Variants in PES1 observed in about 807,000 individuals in gnomAD.
PES1 encodes pescadillo homolog.
In PES1, 31 loss-of-function variants were observed where a neutral mutation model predicts 77.1. The observed-to-expected ratio is 0.40, with a 90% confidence interval of 0.30 to 0.54. The LOEUF (loss-of-function observed/expected upper bound fraction) is 0.54, where lower values mean the gene tolerates loss of function less well. Among genes scored for constraint, PES1 ranks in the 20% least tolerant of loss-of-function variants. The pLI is 0.45. For missense variants in PES1, 658 were observed against 771.7 expected (o/e 0.85, Z 1.75); for synonymous variants, 282 against 303.0 (o/e 0.93, Z 0.72).
chr22:30,584,910 C>T (rs1256388199), intron 4 of PES1, among the ~76,000 whole-genome samples, 193 bp from the exon 5 acceptor site: 1 of 152,164 alleles, frequency 6.6e-6, no homozygotes, highest in Non-Finnish European at 1.5e-5. Flanking sequence ...CAGGATGCGC[C>T]CACTAGGCTC....
exon 2 of PES1, chr22:30,605,484 T>A: frequency 1.0e-6 from 1 of 985,412 alleles, no homozygotes. Flanking sequence ...TAACGAAGGC[T>A]ATCCTCCATG....
At position 30,577,004 on chromosome 22, in the gene PES1, C is replaced by G. The variant is rs780050299; in HGVS notation, c.*42G>C. 6 of 1,535,110 alleles carry G rather than the reference C, an allele frequency of 3.9e-6. No homozygotes were observed. The highest frequency in any genetic ancestry group is 1.4e-5 in the African/African-American group (1 of 73,386). Reference sequence around the variant, plus strand: ...TCTGGCCTGCCTCTGCCACATCCAGCTGCTAGGGGCTGGCCTCAGCCCTGT... The same window carrying G: ...TCTGGCCTGCCTCTGCCACATCCAGGTGCTAGGGGCTGGCCTCAGCCCTGT... On this transcript the variant is annotated 3_prime_UTR_variant, in exon 15 of 15. Coordinates refer to ENST00000354694, the MANE Select transcript of PES1 (RefSeq NM_014303.4).
chr22:30,583,940 A>C (rs2146466888), intron 6 of PES1, among the ~76,000 whole-genome samples: 1 of 152,356 alleles, frequency 6.6e-6, no homozygotes, highest in South Asian at 2.1e-4. Context: ...TATCGGCAGC[A>C]AAGCAGGGAC....
chr22:30,606,728 TC>T (rs1386612212), intron 1 of PES1: 2 of 47,906 alleles, frequency 4.2e-5, no homozygotes, highest in East Asian at 1.3e-3. Flanking sequence ...ACTGCCCAAC[TC>T]CCCCACCCCC....
chr22:30,586,677 AT>A (rs2087095605), intron 4 of PES1, among the ~76,000 whole-genome samples: 1 of 152,202 alleles, frequency 6.6e-6, no homozygotes, highest in Admixed American at 6.5e-5. Context: ...AGAATTGCTG[AT>A]TTAGGCTGAG....
chr22:30,595,394 C>T (rs1011293442), upstream of PES1, among the ~76,000 whole-genome samples: 1 of 151,660 alleles, frequency 6.6e-6, no homozygotes, highest in African/African-American at 2.4e-5. Context: ...AAAAATTAGC[C>T]GGGCAAGGTG....
chr22:30,581,306 GC>G (rs1192893130), intron 8 of PES1, 27 bp downstream of exon 8: 39 of 1,607,468 alleles, frequency 2.4e-5, no homozygotes, highest in Non-Finnish European at 3.1e-5. Flanking sequence ...CTTGGGAGAT[GC>G]CGGATGATGC....
At position 30,581,658 on chromosome 22, in the gene PES1, G is replaced by A. The variant is rs1360929057; in HGVS notation, c.631-14C>T. 6.4e-7 allele frequency: 1 copy of A among 1,556,756 alleles called. No individual in the cohort carries two copies. The highest frequency in any genetic ancestry group is 2.2e-5 in the East Asian group (1 of 44,616). On this transcript the variant is annotated splice_polypyrimidine_tract_variant and intron_variant, in intron 6 of 14. Coordinates refer to ENST00000354694, the MANE Select transcript of PES1 (RefSeq NM_014303.4). Reference sequence around the variant, plus strand: ...GTCTGTCGGGTGCTGGGGAACACAAGAGATGCATGAGCAGTGTGGGTGCAG... The same window carrying A: ...GTCTGTCGGGTGCTGGGGAACACAAAAGATGCATGAGCAGTGTGGGTGCAG...
chr22:30,604,835 T>C (rs1192087957), intron 2 of PES1, among the ~76,000 whole-genome samples: 2 of 152,044 alleles, frequency 1.3e-5, no homozygotes, highest in African/African-American at 4.8e-5. Context: ...CCCAGCTCTT[T>C]GGGAGGCTGA....
chr22:30,581,014 C>T lies in PES1; in HGVS notation c.910G>A (p.Gly304Arg), dbSNP rs144358121. 3.3e-5 allele frequency: 53 copies of T among 1,612,000 alleles called. No individual in the cohort carries two copies. In the African/African-American group the frequency reaches 6.8e-4, roughly 21 times the overall value. ...EAEVDEFPTD[G>R]EMSAQEEDRR... ...CCAGAAGGCAGTGCAGTGCTCACCCCATCGGTGGGAAACTCATCCACCTCG... is the reference window on the plus strand; with the variant it reads ...CCAGAAGGCAGTGCAGTGCTCACCCTATCGGTGGGAAACTCATCCACCTCG... Residue 304 changes from glycine to arginine, a missense_variant and splice_region_variant, in exon 9 of 15, where the codon GGG becomes AGG. Physicochemically the swap from Gly to Arg is moderately radical, Grantham distance 125. Coordinates refer to ENST00000354694, the MANE Select transcript of PES1 (RefSeq NM_014303.4).
rs528455640 is a variant in PES1 at position 30,599,792 on chromosome 22, C to T, written c.-661+5669G>A. Among the ~76,000 whole-genome samples, 1,032 of 152,022 alleles carry T rather than the reference C, an allele frequency of 6.8e-3. 9 individuals are homozygous for T. The highest frequency in any genetic ancestry group is 0.031 in the Middle Eastern group (9 of 292). On this transcript the variant is annotated intron_variant, in intron 2 of 16. Coordinates refer to the PES1 transcript ENST00000402281. ...GTACATGCCTGTAATCACAGCTACT[C>T]GGGAGGCTGAGGCGGGGGAATCGCT...
At chr22:30,596,938 C>T (rs57016637) in intron 2 of PES1, among the ~76,000 whole-genome samples, 2 of 147,358 alleles carry the variant, frequency 1.4e-5, no homozygotes, top group Admixed American at 7.0e-5. Flanking sequence ...GTGAGCTTGG[C>T]GGGCCCGCAC....
chr22:30,587,086 AC>A (rs1475364965), intron 4 of PES1, 199 bp downstream of exon 4: 4 of 553,326 alleles, frequency 7.2e-6, no homozygotes, highest in South Asian at 4.5e-5. Flanking sequence ...CCCTTCAGAG[AC>A]CCCTCTGACA....
intron 12 of PES1, 155 bp downstream of exon 12, chr22:30,579,596 G>A (rs2086950796): frequency 5.5e-6 from 4 of 723,882 alleles, no homozygotes; most frequent in Non-Finnish European, 9.2e-6. Flanking sequence ...ACCCCAGGAG[G>A]TAGATGTCCC....
exon 1 of PES1, chr22:30,606,860 G>A: frequency 9.8e-7 from 1 of 1,023,424 alleles, no homozygotes; most frequent in Non-Finnish European, 1.2e-6. Context: ...GGGCTAGGTG[G>A]GCACTACCAG....
chr22:30,582,526 C>A (rs563771836), intron 6 of PES1, among the ~76,000 whole-genome samples: 8 of 152,332 alleles, frequency 5.3e-5, no homozygotes, highest in Admixed American at 2.6e-4. Flanking sequence ...GAGGCCCAGA[C>A]AGAATCACAA....
intron 6 of PES1, 151 bp from the exon 7 acceptor site, chr22:30,581,795 G>T: frequency 1.6e-6 from 1 of 640,302 alleles, no homozygotes; most frequent in Non-Finnish European, 2.8e-6. Flanking sequence ...CCCTAGGGAA[G>T]GGGTGGCATG....
At chr22:30,583,831 G>A (rs185850406) in intron 6 of PES1, among the ~76,000 whole-genome samples, 3 of 152,350 alleles carry the variant, frequency 2.0e-5, no homozygotes, top group African/African-American at 4.8e-5. Context: ...TGTGCTCACC[G>A]TTCCCCTTCT....
Position 30,579,614 on chromosome 22 carries a change from A to G in PES1, c.1354+137T>C, listed in dbSNP as rs2086950895. ...CCAGGAGGTAGATGTCCCTTCTCCT[A>G]AGCCTTATTCTACAGGTGACTTCAA... On this transcript the variant is annotated intron_variant, in intron 12 of 14. Coordinates refer to ENST00000354694, the MANE Select transcript of PES1 (RefSeq NM_014303.4). The G allele has an allele frequency of 3.7e-6, 3 of 808,416 alleles. No homozygotes were observed. In the Admixed American group the frequency reaches 8.1e-5, roughly 22 times the overall value. The allele number at this position is 808,416 out of a possible 1,614,324, so 50.1% of individuals were successfully genotyped here.
Sources: gnomAD v4.1 joint callset for allele counts (sites outside exome capture counted in the v4.1 genomes callset) on GRCh38, gnomAD v4.1.1 for gene constraint, MANE v1.5 for transcripts, NCBI Gene and HGNC (gene_info 2026-07-23, HGNC 2026-07-21) for gene names.